Variants in KIF5C observed in about 807,000 individuals in gnomAD.
KIF5C encodes kinesin family member 5C, also known as kinesin heavy chain isoform 5C.
In KIF5C, 18 loss-of-function variants were observed where a neutral mutation model predicts 125.2. The observed-to-expected ratio is 0.14, with a 90% confidence interval of 0.10 to 0.21. The LOEUF (loss-of-function observed/expected upper bound fraction) is 0.21, where lower values mean the gene tolerates loss of function less well. Ranked by LOEUF, KIF5C falls within the 10% of genes least tolerant of loss-of-function variation. KIF5C has a pLI of 1.00. For synonymous variants in KIF5C, 405 were observed against 434.0 expected, an observed-to-expected ratio of 0.93 and a Z score of 0.83; for missense variants, 780 against 1,183.8, an observed-to-expected ratio of 0.66 and a Z score of 5.01.
chr2:148,898,764 A>G (rs1305034094), intron 1 of KIF5C, among the ~76,000 whole-genome samples: 1 of 152,236 alleles, frequency 6.6e-6, no homozygotes, highest in Non-Finnish European at 1.5e-5. Context: ...TGGACCTCTG[A>G]CATCCAGAAC....
intron 25 of KIF5C, among the ~76,000 whole-genome samples, chr2:149,016,425 C>G (rs1458760779): frequency 1.3e-5 from 2 of 152,066 alleles, no homozygotes; most frequent in Non-Finnish European, 1.5e-5. Context: ...GTGGTGGCAG[C>G]AGGGGAGAAG....
At chr2:148,888,155 CG>C (rs915048048) in intron 1 of KIF5C, 3 of 152,192 alleles carry the variant, frequency 2.0e-5, no homozygotes, top group African/African-American at 7.2e-5. Flanking sequence ...CTGGCTGCCC[CG>C]GAAGGGGCCC....
chr2:148,875,575 G>GCCCCCCCCCCCATCCCCCTGCCCC lies in KIF5C; in HGVS notation c.-37_-36insCCCCCATCCCCCTGCCCCCCCCCC. 1 of 699,606 alleles carries GCCCCCCCCCCCATCCCCCTGCCCC rather than the reference G, an allele frequency of 1.4e-6. No individual in the cohort carries two copies. The highest frequency in any genetic ancestry group is 1.6e-5 in the South Asian group (1 of 64,500). 43.3% of individuals were successfully genotyped at this position (699,606 alleles called of 1,614,324 possible). On this transcript the variant is annotated 5_prime_UTR_variant, in exon 1 of 26. Transcript: ENST00000435030. ...TCCTCCCTCGTCGTTCCCGGCCCCG[G>GCCCCCCCCCCCATCCCCCTGCCCC]CCCCCCACCCATCCCCGTGCCCCCT...
Position 148,875,601 on chromosome 2 carries a change from C to A in KIF5C, c.-17C>A. ...CCCCCCACCCATCCCCGTGCCCCCTCCCTACCGCCGGCCGAGATGGCGGAT... is the reference window on the plus strand; with the variant it reads ...CCCCCCACCCATCCCCGTGCCCCCTACCTACCGCCGGCCGAGATGGCGGAT... On this transcript the variant is annotated 5_prime_UTR_variant, in exon 1 of 26. Transcript: ENST00000435030. 6.5e-7 allele frequency: 1 copy of A among 1,534,750 alleles called. No individual in the cohort carries two copies. Among genetic ancestry groups the A allele is most frequent in the Non-Finnish European group, 8.8e-7 (1 of 1,136,364 alleles).
chr2:148,891,454 A>C (rs1371462598), intron 1 of KIF5C, among the ~76,000 whole-genome samples: 1 of 152,034 alleles, frequency 6.6e-6, no homozygotes, highest in East Asian at 1.9e-4. Context: ...CTAGGCATTA[A>C]TGTGTGCACT....
chr2:148,958,842 G>C (rs1682858067), intron 10 of KIF5C, among the ~76,000 whole-genome samples: 1 of 151,948 alleles, frequency 6.6e-6, no homozygotes, highest in African/African-American at 2.4e-5. Flanking sequence ...AAATTAGCTG[G>C]GCGTGGTGGC....
intron 9 of KIF5C, 57 bp downstream of exon 9, chr2:148,950,000 C>T: frequency 6.4e-7 from 1 of 1,552,562 alleles, no homozygotes; most frequent in Non-Finnish European, 8.7e-7. Context: ...CCTTTTGGGG[C>T]CTCATAGTCC....
intron 1 of KIF5C, among the ~76,000 whole-genome samples, chr2:148,897,196 C>T (rs1464115312): frequency 6.6e-6 from 1 of 152,150 alleles, no homozygotes; most frequent in African/African-American, 2.4e-5. Flanking sequence ...AGACACACAT[C>T]TGAAATAATA....
rs991268455 is a variant in KIF5C at position 148,943,125 on chromosome 2, A to G, written c.589+365A>G. Among the ~76,000 whole-genome samples the G allele has an allele frequency of 2.0e-5, 3 of 152,338 alleles. 1 individual carries two copies. Among genetic ancestry groups the G allele is most frequent in the Admixed American group, 2.0e-4 (3 of 15,312 alleles). On this transcript the variant is annotated intron_variant, in intron 7 of 25. Coordinates refer to ENST00000435030, the MANE Select transcript of KIF5C (RefSeq NM_004522.3). ...TCATGTTATTGTTCAGGTTAAAAAA[A>G]AGTTCCAAACCAACAAATTCTATAA...
chr2:148,875,593 T>TGCCCCCCCCCCCCC lies in KIF5C; in HGVS notation c.-19_-18insCCCCCCCCGCCCCC. On this transcript the variant is annotated 5_prime_UTR_variant, in exon 1 of 26. Coordinates refer to ENST00000435030, the MANE Select transcript of KIF5C (RefSeq NM_004522.3). ...GGCCCCGGCCCCCCACCCATCCCCG[T>TGCCCCCCCCCCCCC]GCCCCCTCCCTACCGCCGGCCGAGA... 1 of 440,942 alleles carries TGCCCCCCCCCCCCC rather than the reference T, an allele frequency of 2.3e-6. No homozygotes were observed. The highest frequency in any genetic ancestry group is 4.3e-6 in the Non-Finnish European group (1 of 233,884). 27.3% of individuals were successfully genotyped at this position (440,942 alleles called of 1,614,324 possible).
At chr2:148,973,804 GGT>G (rs1680985439) in intron 12 of KIF5C, among the ~76,000 whole-genome samples, 1 of 152,152 alleles carries the variant, frequency 6.6e-6, no homozygotes, top group Admixed American at 6.5e-5. Flanking sequence ...TGAAAGGTGG[GGT>G]GTGTGAGTGT....
At chr2:148,988,940 G>A (rs1362544656) in intron 15 of KIF5C, among the ~76,000 whole-genome samples, 1 of 152,190 alleles carries the variant, frequency 6.6e-6, no homozygotes, top group Admixed American at 6.5e-5. Flanking sequence ...CACTTGACAT[G>A]TACTATTGTT....
Position 148,991,099 on chromosome 2 carries a change from G to T in KIF5C, c.1806G>T (p.Val602=). 4 of 1,613,944 alleles carry T rather than the reference G, an allele frequency of 2.5e-6. No individual in the cohort carries two copies. Among genetic ancestry groups the T allele is most frequent in the Non-Finnish European group, 3.4e-6 (4 of 1,179,854 alleles). The change falls in exon 16 of 26, where the codon GTG becomes GTT. Residue 602 remains valine, a synonymous_variant. Coordinates refer to ENST00000435030, the MANE Select transcript of KIF5C (RefSeq NM_004522.3). ...TGAAGTCAGAGGTCAAGTCCCTGGT[G>T]AACCGCAGCAAACAGCTCGAGAGCG... The part of the protein sequence containing the change: ...SKMKSEVKSL[V]NRSKQLESAQ...
At chr2:148,884,019 G>A (rs536714551) in intron 1 of KIF5C, 1 of 152,278 alleles carries the variant, frequency 6.6e-6, no homozygotes, top group East Asian at 1.9e-4. Context: ...CTCACCCCAT[G>A]GAACTGCTGC....
chr2:148,940,968 G>A (rs1682395227), intron 4 of KIF5C, among the ~76,000 whole-genome samples: 1 of 152,182 alleles, frequency 6.6e-6, no homozygotes, highest in Non-Finnish European at 1.5e-5. Flanking sequence ...TAGGGTTCAG[G>A]GTTCTGCAGT....
chr2:148,917,827 T>G (rs1041797789), intron 1 of KIF5C, among the ~76,000 whole-genome samples: 3 of 152,250 alleles, frequency 2.0e-5, no homozygotes, highest in African/African-American at 7.2e-5. Context: ...ATTCAAATCA[T>G]TGGCAGCCTT....
At chr2:148,938,502 G>A (rs1361552801) in intron 4 of KIF5C, among the ~76,000 whole-genome samples, 1 of 152,056 alleles carries the variant, frequency 6.6e-6, no homozygotes, top group Non-Finnish European at 1.5e-5. Context: ...TCTTTTTGGT[G>A]GGAGAAGGGG....
At chr2:148,895,886 C>A (rs7568075) in intron 1 of KIF5C, among the ~76,000 whole-genome samples, 20,961 of 150,594 alleles carry the variant, frequency 0.14, 2,293 homozygotes, top group African/African-American at 0.3. Context: ...CCACAGAGAT[C>A]TGGTGTCTCT....
chr2:148,956,814 C>A (rs1682803029), intron 10 of KIF5C, among the ~76,000 whole-genome samples: 1 of 152,136 alleles, frequency 6.6e-6, no homozygotes, highest in African/African-American at 2.4e-5. Context: ...ACATTGAGGG[C>A]TCTGATTGAA....
Sources: allele counts gnomAD v4.1 joint callset (sites outside exome capture counted in the v4.1 genomes callset), GRCh38; gene constraint gnomAD v4.1.1; transcripts MANE v1.5; gene names NCBI Gene and HGNC (gene_info 2026-07-23, HGNC 2026-07-21).